Variants in PCDHGB3 observed in about 807,000 individuals in gnomAD.
The protein encoded by PCDHGB3 is protocadherin gamma subfamily B, 3.
A neutral mutation model predicts 59.2 loss-of-function variants in PCDHGB3; 40 were observed. The ratio of observed to expected loss-of-function variants is 0.68; its 90% CI spans 0.52 to 0.88. The LOEUF (loss-of-function observed/expected upper bound fraction) is 0.88, where lower values mean the gene tolerates loss of function less well. Among genes scored for constraint, PCDHGB3 ranks in the 40% least tolerant of loss-of-function variants. PCDHGB3 has a pLI of 0.00. For synonymous variants in PCDHGB3, 581 were observed against 503.6 expected, an observed-to-expected ratio of 1.15 and a Z score of -2.06; for missense variants, 1,309 against 1,187.9, an observed-to-expected ratio of 1.10 and a Z score of -1.50.
chr5:141,414,986 A>G, intron 1 of PCDHGB3: 4 of 1,613,824 alleles, frequency 2.5e-6, no homozygotes, highest in Non-Finnish European at 3.4e-6. Context: ...GACTCCGGCC[A>G]GAACGCCTGG....
At chr5:141,496,808 G>A (rs1387209844) in intron 2 of PCDHGB3, among the ~76,000 whole-genome samples, 3 of 151,736 alleles carry the variant, frequency 2.0e-5, no homozygotes, top group South Asian at 4.2e-4. Flanking sequence ...GGCTATAGGA[G>A]TGAACAAGTA....
chr5:141,476,727 G>A lies in PCDHGB3; in HGVS notation c.2416-18080G>A, dbSNP rs762236731. On this transcript the variant is annotated intron_variant, in intron 1 of 3. Coordinates refer to ENST00000576222, the MANE Select transcript of PCDHGB3 (RefSeq NM_018924.5). This position sits in a 1 kb window ranked among gnomAD's most constrained non-coding sequence, Gnocchi z 7.6. ...CTGGTGTTGGAGCGCGCCCTGGACC[G>A]AGAACGGGAGCCTAGTCTCCAGTTA... 5 of 1,614,108 alleles carry A rather than the reference G, an allele frequency of 3.1e-6. No individual in the cohort carries two copies. Among genetic ancestry groups the A allele is most frequent in the Non-Finnish European group, 4.2e-6 (5 of 1,180,032 alleles).
intron 1 of PCDHGB3, chr5:141,419,629 G>T: frequency 6.2e-7 from 1 of 1,612,444 alleles, no homozygotes; most frequent in Non-Finnish European, 8.5e-7. Context: ...TGGTGACCAA[G>T]GTGGTGGCCG....
At chr5:141,415,079 C>A (rs1388248799) in intron 1 of PCDHGB3, 1 of 1,613,380 alleles carries the variant, frequency 6.2e-7, no homozygotes, top group Non-Finnish European at 8.5e-7. Context: ...ACGGCGCGAG[C>A]CCTGCTGGAC....
intron 1 of PCDHGB3, chr5:141,385,463 T>A: frequency 6.9e-7 from 1 of 1,443,350 alleles, no homozygotes; most frequent in Non-Finnish European, 9.1e-7. Flanking sequence ...TTTCCTTCAG[T>A]GGTGACACTT....
At chr5:141,404,560 C>T (rs2094540099) in intron 1 of PCDHGB3, 37 of 1,613,460 alleles carry the variant, frequency 2.3e-5, no homozygotes, top group Non-Finnish European at 3.1e-5. Flanking sequence ...CGGCAAGTGA[C>T]AGTGGAAGCC....
chr5:141,432,717 C>T lies in PCDHGB3; in HGVS notation c.2415+59908C>T. On this transcript the variant is annotated intron_variant, in intron 1 of 3. Transcript: ENST00000576222. The surrounding 1 kb of genome is among the most constrained non-coding windows in gnomAD (Gnocchi z 6.0). ...GCCGTCCAGGACCACGGCCAGCCCC[C>T]TCTCTCCGCCACTGTCACGCTCACC... 1 of 1,614,030 alleles carries T rather than the reference C, an allele frequency of 6.2e-7. No individual in the cohort carries two copies. Among genetic ancestry groups the T allele is most frequent in the Non-Finnish European group, 8.5e-7 (1 of 1,179,978 alleles).
intron 1 of PCDHGB3, among the ~76,000 whole-genome samples, chr5:141,460,758 C>T (rs1292050905): frequency 6.6e-6 from 1 of 150,582 alleles, no homozygotes; most frequent in African/African-American, 2.4e-5. Context: ...TGTACATATA[C>T]ATATTGCATA....
At chr5:141,374,130 T>TCG (rs767453830) in intron 1 of PCDHGB3, 3 of 1,604,204 alleles carry the variant, frequency 1.9e-6, no homozygotes, top group Non-Finnish European at 2.6e-6. Flanking sequence ...CAGGTCCTGC[T>TCG]CCTCACGCTC....
chr5:141,489,348 G>T lies in PCDHGB3; in HGVS notation c.2416-5459G>T. On this transcript the variant is annotated intron_variant, in intron 1 of 3. Coordinates refer to ENST00000576222, the MANE Select transcript of PCDHGB3 (RefSeq NM_018924.5). The surrounding 1 kb of genome is among the most constrained non-coding windows in gnomAD (Gnocchi z 4.5). ...CTGGGCAGCTTCGTTACTCAGTGGT[G>T]GAGGAGTCTGAGCCGGGGACGCTGG... is the stretch of plus-strand genomic sequence containing the variant. 1 of 1,611,876 alleles carries T rather than the reference G, an allele frequency of 6.2e-7. No homozygotes were observed. The highest frequency in any genetic ancestry group is 8.5e-7 in the Non-Finnish European group (1 of 1,178,502).
rs370792537 is a variant in PCDHGB3 at position 141,370,669 on chromosome 5, G to A, written c.275G>A (p.Arg92Gln). ...TTACTTGTGAGCGACCGTATAGACC[G>A]AGAGGAGATTTGTGGCAAGAAGTCG... is the stretch of plus-strand genomic sequence containing the variant. ...GNLLVSDRID[R>Q]EEICGKKSTC... is the part of the protein sequence containing the mutation. Residue 92 changes from arginine to glutamine, a missense_variant, in exon 1 of 4, where the codon CGA (arginine) becomes CAA (glutamine). By Grantham distance (43) the Arg-to-Gln change is conservative (BLOSUM62 1). Coordinates refer to ENST00000576222, the MANE Select transcript of PCDHGB3 (RefSeq NM_018924.5). The A allele has an allele frequency of 5.6e-6, 9 of 1,613,788 alleles. No homozygotes were observed. In the East Asian group the frequency reaches 1.1e-4, roughly 20 times the overall value.
At chr5:141,423,091 G>C (rs1243671863) in intron 1 of PCDHGB3, 11 of 1,613,908 alleles carry the variant, frequency 6.8e-6, no homozygotes, top group South Asian at 2.2e-5. Context: ...CGCGGTGGGG[G>C]AGCACACGGG....
Position 141,489,842 on chromosome 5 carries a change from A to T in PCDHGB3, c.2416-4965A>T. ...GAGCTGGTGCTAGAGCAGCAGCTGGATCGTGAAGCCCAGGCAAGACATCAG... is the reference window on the plus strand; with the variant it reads ...GAGCTGGTGCTAGAGCAGCAGCTGGTTCGTGAAGCCCAGGCAAGACATCAG... On this transcript the variant is annotated intron_variant, in intron 1 of 3. Coordinates refer to ENST00000576222, the MANE Select transcript of PCDHGB3 (RefSeq NM_018924.5). The surrounding 1 kb of genome is among the most constrained non-coding windows in gnomAD (Gnocchi z 4.5). 6.2e-7 allele frequency: 1 copy of T among 1,614,186 alleles called. No homozygotes were observed. Among genetic ancestry groups the T allele is most frequent in the South Asian group, 1.1e-5 (1 of 91,086 alleles).
At chr5:141,505,852 G>A (rs2099848673) in intron 3 of PCDHGB3, among the ~76,000 whole-genome samples, 1 of 152,140 alleles carries the variant, frequency 6.6e-6, no homozygotes, top group African/African-American at 2.4e-5. Context: ...TAGAAAGTGG[G>A]GACAGGGACC....
intron 2 of PCDHGB3, among the ~76,000 whole-genome samples, chr5:141,496,123 C>T (rs2099766207): frequency 6.6e-6 from 1 of 152,098 alleles, no homozygotes; most frequent in African/African-American, 2.4e-5. Flanking sequence ...CTTCCCTGCC[C>T]CTCACACACT....
At chr5:141,374,566 T>C (rs368553948) in intron 1 of PCDHGB3, 21 of 1,613,582 alleles carry the variant, frequency 1.3e-5, no homozygotes, top group South Asian at 3.3e-5. Flanking sequence ...ATGACCCTGA[T>C]GTGGGAATGA....
At position 141,370,302 on chromosome 5, in the gene PCDHGB3, A is replaced by G; in HGVS notation, c.-93A>G. The G allele has an allele frequency of 8.4e-7, 1 of 1,187,592 alleles. No individual in the cohort carries two copies. Among genetic ancestry groups the G allele is most frequent in the Non-Finnish European group, 1.2e-6 (1 of 852,954 alleles). 73.6% of individuals were successfully genotyped at this position (1,187,592 alleles called of 1,614,324 possible). On this transcript the variant is annotated 5_prime_UTR_variant, in exon 1 of 4. Transcript: ENST00000576222. ...CATTAGAGAACCCAAGCACAAAGAC[A>G]AAGCAAATAGTTGGTCCTGCTCGGA...
At chr5:141,482,957 C>A (rs2099575063) in intron 1 of PCDHGB3, among the ~76,000 whole-genome samples, 2 of 57,944 alleles carry the variant, frequency 3.5e-5, no homozygotes, top group Admixed American at 1.5e-4. Context: ...CCTGTAATTC[C>A]AGCTACTTGA....
rs866649962 is a variant in PCDHGB3 at position 141,482,106 on chromosome 5, T to A, written c.2416-12701T>A. Reference sequence around the variant, plus strand: ...CTCCATCTCAAAAAAAAAAAAAAAATATCTAGAGATGGGAGAATCATATGG... The same window carrying A: ...CTCCATCTCAAAAAAAAAAAAAAAAAATCTAGAGATGGGAGAATCATATGG... On this transcript the variant is annotated intron_variant, in intron 1 of 3. Transcript: ENST00000576222. 2.5e-3 allele frequency among the ~76,000 whole-genome samples: 342 copies of A among 138,882 alleles called. 1 individual carries two copies. Among genetic ancestry groups the A allele is most frequent in the Middle Eastern group, 0.011 (3 of 272 alleles). 91.1% of individuals were successfully genotyped at this position (138,882 alleles called of 152,430 possible). A position where few individuals can be genotyped will look rare whatever the true frequency, so the allele number is the denominator to read the frequency against.
Sources: gnomAD v4.1 joint callset for allele counts (sites outside exome capture counted in the v4.1 genomes callset) on GRCh38, gnomAD v4.1.1 for gene constraint, Gnocchi (gnomAD v3.1) non-coding constraint, MANE v1.5 for transcripts, NCBI Gene and HGNC (gene_info 2026-07-23, HGNC 2026-07-21) for gene names.